GRIK4: variants seen among roughly 807,000 people sequenced by gnomAD.
The protein encoded by GRIK4 is glutamate receptor ionotropic, kainate 4.
In GRIK4, 40 loss-of-function variants were observed where a neutral mutation model predicts 104.9. The observed-to-expected ratio is 0.38, with a 90% confidence interval of 0.30 to 0.50. The LOEUF is 0.50. Among genes scored for constraint, GRIK4 ranks in the 20% least tolerant of loss-of-function variants. GRIK4 has a pLI of 0.93. For synonymous variants in GRIK4, 485 were observed against 524.9 expected (o/e 0.92, Z 1.04); for missense variants, 1,047 against 1,308.1 (o/e 0.80, Z 3.08).
chr11:120,742,597 T>C (rs552229507), intron 3 of GRIK4, among the ~76,000 whole-genome samples: 1 of 151,814 alleles, frequency 6.6e-6, no homozygotes, highest in Non-Finnish European at 1.5e-5. Context: ...TGGCTATTAT[T>C]AAAAAGTCAA....
rs139978243 is a variant in GRIK4 at position 120,802,734 on chromosome 11, C to T, written c.124C>T (p.Arg42Trp). 2.5e-6 allele frequency: 4 copies of T among 1,614,066 alleles called. No individual in the cohort carries two copies. The highest frequency in any genetic ancestry group is 1.7e-5 in the Admixed American group (1 of 60,028). Reference protein sequence around the residue: ...DDPMECSRGERLSITLAKNRI... With the variant: ...DDPMECSRGEWLSITLAKNRI... ...CCCCATGGAGTGCAGCAGAGGGGAG[C>T]GGCTCTCCATCACCCTGGCCAAGAA... Residue 42 changes from arginine to tryptophan, a missense_variant, in exon 4 of 21, where the codon CGG (arginine) becomes TGG (tryptophan). Around this residue, in one of 3 missense-constraint regions of GRIK4, gnomAD observed 447 missense variants for 514.9 expected, o/e 0.87. Transcript: ENST00000527524.
At chr11:120,796,229 G>T (rs1167175085) in intron 3 of GRIK4, among the ~76,000 whole-genome samples, 2 of 151,896 alleles carry the variant, frequency 1.3e-5, no homozygotes, top group Non-Finnish European at 2.9e-5. Context: ...TAGAGACGGG[G>T]TTTCACCATG....
intron 8 of GRIK4, among the ~76,000 whole-genome samples, chr11:120,838,904 C>T (rs977122551): frequency 4.6e-5 from 7 of 152,160 alleles, no homozygotes; most frequent in African/African-American, 1.2e-4. Context: ...CTCCTGCCTC[C>T]GCCTCCCAAG....
intron 13 of GRIK4, among the ~76,000 whole-genome samples, chr11:120,917,559 G>A (rs897062094): frequency 6.6e-5 from 10 of 152,224 alleles, no homozygotes; most frequent in Admixed American, 3.3e-4. Context: ...AGCGTCACCC[G>A]TGCAGGTGCG....
intron 3 of GRIK4, among the ~76,000 whole-genome samples, chr11:120,721,117 A>G (rs1284687753): frequency 6.6e-6 from 1 of 152,160 alleles, no homozygotes; most frequent in East Asian, 1.9e-4. Context: ...GGGTTTATGG[A>G]TACAAAAATG....
intron 3 of GRIK4, among the ~76,000 whole-genome samples, chr11:120,703,175 G>T (rs764592354): frequency 6.6e-6 from 1 of 152,122 alleles, no homozygotes; most frequent in Non-Finnish European, 1.5e-5. Flanking sequence ...TTTTTAAATT[G>T]CATTTGACTT....
chr11:120,834,035 C>T (rs991415913), intron 7 of GRIK4, among the ~76,000 whole-genome samples: 6 of 152,138 alleles, frequency 3.9e-5, no homozygotes, highest in Admixed American at 1.3e-4. Context: ...TGCTGAGGTG[C>T]ACATCTTTGT....
intron 3 of GRIK4, among the ~76,000 whole-genome samples, chr11:120,760,708 T>C (rs1951735421): frequency 6.6e-6 from 1 of 152,170 alleles, no homozygotes. Flanking sequence ...TGGTTTTCTG[T>C]TCCTGTGTTA....
intron 3 of GRIK4, among the ~76,000 whole-genome samples, chr11:120,792,061 AC>A (rs1315844648): frequency 6.6e-6 from 1 of 152,150 alleles, no homozygotes; most frequent in East Asian, 1.9e-4. Context: ...TGATGGGCGT[AC>A]ATTATAGGAT....
chr11:120,644,064 GA>G (rs1313073843), intron 1 of GRIK4, among the ~76,000 whole-genome samples: 24 of 23,188 alleles, frequency 1.0e-3, no homozygotes, highest in East Asian at 2.6e-3. Flanking sequence ...AGAGAGGAGA[GA>G]GAGAGAGAGA....
intron 6 of GRIK4, among the ~76,000 whole-genome samples, chr11:120,825,137 G>T (rs1022826002): frequency 6.6e-6 from 1 of 152,178 alleles, no homozygotes; most frequent in Non-Finnish European, 1.5e-5. Flanking sequence ...TGTTGGCCAG[G>T]CTGGTCTCAA....
chr11:120,977,556 A>C (rs1224005029), intron 19 of GRIK4, among the ~76,000 whole-genome samples: 3 of 152,208 alleles, frequency 2.0e-5, no homozygotes, highest in Admixed American at 2.0e-4. Context: ...TCTGCCAGCA[A>C]TCTATTCTTG....
At chr11:120,971,453 T>C (rs1944474158) in intron 19 of GRIK4, among the ~76,000 whole-genome samples, 5 of 152,222 alleles carry the variant, frequency 3.3e-5, no homozygotes, top group Admixed American at 2.6e-4. Context: ...ATCTTATGAT[T>C]GTTTCCTTTC....
chr11:120,607,747 C>G (rs982436630), intron 1 of GRIK4, among the ~76,000 whole-genome samples: 1 of 151,980 alleles, frequency 6.6e-6, no homozygotes, highest in African/African-American at 2.4e-5. Context: ...AGCCACGGGC[C>G]CAGATTGTGT....
chr11:120,885,685 A>G (rs966409058), intron 11 of GRIK4, among the ~76,000 whole-genome samples: 7 of 152,220 alleles, frequency 4.6e-5, no homozygotes, highest in Admixed American at 4.6e-4. Flanking sequence ...ACGCCTGGCC[A>G]GCAACAGAAA....
At position 120,969,961 on chromosome 11, in the gene GRIK4, T is replaced by C. The variant is rs1944447684; in HGVS notation, c.2395+2638T>C. Among the ~76,000 whole-genome samples, 2 of 152,174 alleles carry C rather than the reference T, an allele frequency of 1.3e-5. 1 individual carries two copies. The highest frequency in any genetic ancestry group is 4.1e-4 in the South Asian group (2 of 4,830). On this transcript the variant is annotated intron_variant, in intron 19 of 20. Coordinates refer to ENST00000527524, the MANE Select transcript of GRIK4 (RefSeq NM_014619.5). ...CACTCAATGCACTATGCTGCAATCT[T>C]GGTCTCCTCTACTCAGTTGCTGGCA...
intron 4 of GRIK4, among the ~76,000 whole-genome samples, chr11:120,806,223 T>G (rs187059799): frequency 1.4e-4 from 22 of 152,252 alleles, no homozygotes; most frequent in Non-Finnish European, 3.2e-4. Flanking sequence ...CCCCTCTCTC[T>G]TGTTTCAAGG....
At chr11:120,787,852 CTTTTTTTTTTT>C (rs58523604) in intron 3 of GRIK4, among the ~76,000 whole-genome samples, 5 of 77,118 alleles carry the variant, frequency 6.5e-5, no homozygotes, top group African/African-American at 1.9e-4. Context: ...CTTTTCTTTT[CTTTTTTTTTTT>C]TTTTTTTTTT....
At chr11:120,933,952 C>G (rs1943534863) in intron 13 of GRIK4, among the ~76,000 whole-genome samples, 1 of 152,060 alleles carries the variant, frequency 6.6e-6, no homozygotes, top group Non-Finnish European at 1.5e-5. Flanking sequence ...CACCTGTAAT[C>G]CCAGCACTTT....
Sources: allele counts gnomAD v4.1 joint callset (sites outside exome capture counted in the v4.1 genomes callset), GRCh38; gene constraint gnomAD v4.1.1; regional missense constraint gnomAD v4.1.1; transcripts MANE v1.5; gene names NCBI Gene and HGNC (gene_info 2026-07-23, HGNC 2026-07-21).